Variants in HNRNPUL1 observed in about 807,000 individuals in gnomAD.
HNRNPUL1 encodes heterogeneous nuclear ribonucleoprotein U-like protein 1.
HNRNPUL1 carries 14 observed loss-of-function variants against 108.5 expected under a neutral mutation model. The ratio of observed to expected loss-of-function variants is 0.13; its 90% CI spans 0.09 to 0.20. HNRNPUL1 has a LOEUF of 0.20. Ranked by LOEUF, HNRNPUL1 falls within the 10% of genes least tolerant of loss-of-function variation. The probability of loss-of-function intolerance (pLI) is 1.00; values close to 1 mark genes in which losing one functional copy is unlikely to be tolerated. For missense variants in HNRNPUL1, 804 were observed against 1,168.3 expected (o/e 0.69, Z 4.55); for synonymous variants, 422 against 445.2 (o/e 0.95, Z 0.66).
At position 41,276,273 on chromosome 19, in the gene HNRNPUL1, G is replaced by C. The variant is rs769253732; in HGVS notation, c.761G>C (p.Arg254Thr). The C allele has an allele frequency of 6.8e-6, 11 of 1,611,426 alleles. No homozygotes were observed. The Admixed American group carries it at 1.8e-4, about 27-fold the overall frequency. Residue 254 changes from arginine (R) to threonine (T), a missense_variant, in exon 5 of 15, where the codon AGG becomes ACG. Arg to Thr is a moderately conservative substitution (Grantham distance 71). Transcript: ENST00000392006. ...GCCCGTGCCAGCTATGGGGTCAGAA[G>C]GGGCCGTGTATGCTTCGAGATGAAG... ...SGARASYGVR[R>T]GRVCFEMKIN... is the part of the protein sequence containing the mutation.
chr19:41,268,193 C>G (rs1599761511), intron 1 of HNRNPUL1, 30 bp from the exon 2 acceptor site: 1 of 1,609,788 alleles, frequency 6.2e-7, no homozygotes, highest in South Asian at 1.1e-5. Flanking sequence ...AACCGCCCCT[C>G]TAATTGGCCA....
At chr19:41,297,208 G>A (rs531800544) in intron 10 of HNRNPUL1, among the ~76,000 whole-genome samples, 25 of 152,328 alleles carry the variant, frequency 1.6e-4, no homozygotes, top group Admixed American at 7.2e-4. Flanking sequence ...GCTAAGTCAC[G>A]CACTCAGTGT....
At chr19:41,277,096 CAA>C (rs569222478) in intron 5 of HNRNPUL1, among the ~76,000 whole-genome samples, 2 of 101,476 alleles carry the variant, frequency 2.0e-5, no homozygotes, top group African/African-American at 3.5e-5. Flanking sequence ...GACTCTGTCT[CAA>C]AAAAAAAAAA....
At chr19:41,290,773 T>C (rs915445256) in intron 7 of HNRNPUL1, among the ~76,000 whole-genome samples, 1 of 152,170 alleles carries the variant, frequency 6.6e-6, no homozygotes, top group Admixed American at 6.5e-5. Context: ...AATGGGATCA[T>C]AGGCTAGGCG....
intron 11 of HNRNPUL1, 28 bp downstream of exon 11, chr19:41,301,732 C>T (rs374184275): frequency 1.6e-5 from 25 of 1,593,440 alleles, no homozygotes; most frequent in Admixed American, 1.4e-4. Flanking sequence ...CCCAGAGGAA[C>T]GTCAATGCAG....
At chr19:41,299,340 A>G (rs574524852) in intron 10 of HNRNPUL1, among the ~76,000 whole-genome samples, 1 of 152,290 alleles carries the variant, frequency 6.6e-6, no homozygotes, top group Non-Finnish European at 1.5e-5. Context: ...AGTTTAAGCA[A>G]CTGCACCCAC....
chr19:41,290,942 T>C (rs2036541407), intron 7 of HNRNPUL1, among the ~76,000 whole-genome samples: 1 of 152,120 alleles, frequency 6.6e-6, no homozygotes, highest in South Asian at 2.1e-4. Flanking sequence ...TAATCCCAGC[T>C]AATTGAGGCA....
chr19:41,282,745 A>T (rs1460305539), intron 7 of HNRNPUL1, among the ~76,000 whole-genome samples: 1 of 142,058 alleles, frequency 7.0e-6, no homozygotes, highest in African/African-American at 2.6e-5. Flanking sequence ...GCTGGAGTGC[A>T]GTGGCGGGAT....
intron 7 of HNRNPUL1, among the ~76,000 whole-genome samples, chr19:41,285,053 CATT>C (rs1173552819): frequency 2.7e-5 from 4 of 150,320 alleles, no homozygotes; most frequent in African/African-American, 9.8e-5. Flanking sequence ...AAAGTGAAGT[CATT>C]ATATATGACA....
chr19:41,267,527 C>G (rs113120336), intron 1 of HNRNPUL1, among the ~76,000 whole-genome samples: 6 of 152,302 alleles, frequency 3.9e-5, no homozygotes, highest in Non-Finnish European at 7.4e-5. Flanking sequence ...GTAAACAGAC[C>G]GGTAGCAAAC....
chr19:41,284,824 C>T (rs929881339), intron 7 of HNRNPUL1, among the ~76,000 whole-genome samples: 16 of 151,884 alleles, frequency 1.1e-4, no homozygotes, highest in African/African-American at 2.4e-4. Context: ...AGTGAAACCC[C>T]GTCTCTACTA....
intron 7 of HNRNPUL1, among the ~76,000 whole-genome samples, chr19:41,285,399 A>G (rs1460533265): frequency 6.6e-6 from 1 of 152,084 alleles, no homozygotes; most frequent in East Asian, 1.9e-4. Context: ...AATAATTTGT[A>G]TTTTTTGTAG....
At chr19:41,271,056 C>G (rs2035206726) in intron 2 of HNRNPUL1, among the ~76,000 whole-genome samples, 1 of 152,312 alleles carries the variant, frequency 6.6e-6, no homozygotes, top group South Asian at 2.1e-4. Flanking sequence ...CTATTGAGAA[C>G]TGATGGAGCC....
In HNRNPUL1 at chr19:41,306,811, C is replaced by G. The variant is rs1197635737; in HGVS notation, c.*246C>G. 3.5e-5 allele frequency: 12 copies of G among 343,814 alleles called. No individual in the cohort carries two copies. Among genetic ancestry groups the G allele is most frequent in the Non-Finnish European group, 6.3e-5 (12 of 189,352 alleles). The allele number at this position is 343,814 out of a possible 1,614,324, so 21.3% of individuals were successfully genotyped here. On this transcript the variant is annotated 3_prime_UTR_variant, in exon 15 of 15. Transcript: ENST00000392006. ...TTTCTGTTTGTCCCCACCTCCCCAG[C>G]CTTCCACCTCCTGTTCTTCCTACCT...
Position 41,294,257 on chromosome 19 carries a change from A to T in HNRNPUL1, c.1267-81A>T. On this transcript the variant is annotated intron_variant, in intron 8 of 14. Transcript: ENST00000392006. This position sits in a 1 kb window ranked among gnomAD's most constrained non-coding sequence, Gnocchi z 4.3. ...AGAGGCAGCCACAGCTCAGAGGTCC[A>T]GAGTCACACTCACAGTCACCACCGA... The T allele has an allele frequency of 6.5e-7, 1 of 1,528,990 alleles. No individual in the cohort carries two copies. The highest frequency in any genetic ancestry group is 1.2e-5 in the South Asian group (1 of 84,890). 94.7% of individuals were successfully genotyped at this position (1,528,990 alleles called of 1,614,324 possible). A position where few individuals can be genotyped will look rare whatever the true frequency, so the allele number is the denominator to read the frequency against.
rs574516343 is a variant in HNRNPUL1 at position 41,282,482 on chromosome 19, CCTT to C, written c.999+1214_999+1216del. Among the ~76,000 whole-genome samples the C allele has an allele frequency of 1.6e-3, 239 of 151,416 alleles. 1 individual carries two copies. Among genetic ancestry groups the C allele is most frequent in the African/African-American group, 5.4e-3 (224 of 41,274 alleles). On this transcript the variant is annotated intron_variant, in intron 7 of 14. Transcript: ENST00000392006. ...CAGGTGTGAACCACCACGCCTGGCC[CCTT>C]CTTCTTTTTTTAACTTTGAGATAAA...
chr19:41,265,198 C>T, intron 1 of HNRNPUL1: 1 of 1,498,580 alleles, frequency 6.7e-7, no homozygotes, highest in Non-Finnish European at 8.9e-7. Context: ...GGCGGTCGTG[C>T]TAGCCCAGCG....
At position 41,302,672 on chromosome 19, in the gene HNRNPUL1, C is replaced by T. The variant is rs374633038; in HGVS notation, c.1695C>T (p.Phe565=). ...DHAVLEMKAN[F]TLPDVGDFLD... ...GCACTTCCTTCCTCCTAGCCAACTT[C>T]ACGTTGCCAGATGTTGGGGACTTCC... Residue 565 remains phenylalanine (F), a synonymous_variant, in exon 12 of 15, where the codon TTC becomes TTT. Transcript: ENST00000392006. 6 of 1,614,108 alleles carry T rather than the reference C, an allele frequency of 3.7e-6. No individual in the cohort carries two copies. Among genetic ancestry groups the T allele is most frequent in the Non-Finnish European group, 5.1e-6 (6 of 1,180,050 alleles).
chr19:41,298,619 G>C (rs749239300), intron 10 of HNRNPUL1: 10 of 152,208 alleles, frequency 6.6e-5, no homozygotes, highest in Non-Finnish European at 1.2e-4. Flanking sequence ...GTAAGTGGAG[G>C]GAGGTGCAGT....
Sources: allele counts gnomAD v4.1 joint callset (sites outside exome capture counted in the v4.1 genomes callset), GRCh38; gene constraint gnomAD v4.1.1; non-coding constraint Gnocchi (gnomAD v3.1); transcripts MANE v1.5; gene names NCBI Gene and HGNC (gene_info 2026-07-23, HGNC 2026-07-21).